PRMT3: variants seen among roughly 807,000 people sequenced by gnomAD.
PRMT3 encodes the protein protein arginine methyltransferase 3.
In PRMT3, 62 loss-of-function variants were observed where a neutral mutation model predicts 71.9. The observed-to-expected ratio is 0.86, with a 90% CI of 0.70 to 1.07. The LOEUF is 1.07. Ranked by LOEUF, PRMT3 falls within the 50% of genes least tolerant of loss-of-function variation. The pLI, the probability that PRMT3 is intolerant of heterozygous loss-of-function variation, is 0.00. For synonymous variants in PRMT3, 213 were observed against 220.4 expected (o/e 0.97, Z 0.30); for missense variants, 663 against 643.0 (o/e 1.03, Z -0.34).
At chr11:20,500,433 A>G (rs1456463302) in intron 15 of PRMT3, among the ~76,000 whole-genome samples, 1 of 152,242 alleles carries the variant, frequency 6.6e-6, no homozygotes, top group African/African-American at 2.4e-5. Context: ...AAAGCCTAGA[A>G]TAACCAAAAT....
intron 13 of PRMT3, among the ~76,000 whole-genome samples, chr11:20,480,956 T>C (rs1313342924): frequency 1.3e-5 from 2 of 152,136 alleles, no homozygotes; most frequent in Non-Finnish European, 2.9e-5. Context: ...CAGTAGGAAA[T>C]TGAAACACAG....
Position 20,388,083 on chromosome 11 carries a change from C to T in PRMT3, c.93C>T (p.Ala31=). The T allele has an allele frequency of 1.9e-6, 3 of 1,614,028 alleles. No individual in the cohort carries two copies. The highest frequency in any genetic ancestry group is 1.1e-5 in the South Asian group (1 of 91,086). The change falls in exon 2 of 16, where the codon GCC becomes GCT. Residue 31 remains alanine, a synonymous_variant. Coordinates refer to ENST00000331079, the MANE Select transcript of PRMT3 (RefSeq NM_005788.4). ...AACTGTCGGACAGCGGGGACGAGGC[C>T]GCCTGGGAGGATGAGGACGATGCAG... ...LPELSDSGDE[A]AWEDEDDADL...
chr11:20,476,911 T>A (rs1001497602), intron 13 of PRMT3, among the ~76,000 whole-genome samples: 3 of 152,220 alleles, frequency 2.0e-5, no homozygotes, highest in African/African-American at 7.2e-5. Context: ...TTTGTTCTCA[T>A]ATTTTATGCT....
At chr11:20,425,874 G>A (rs895459488) in intron 9 of PRMT3, among the ~76,000 whole-genome samples, 3 of 152,098 alleles carry the variant, frequency 2.0e-5, no homozygotes, top group Admixed American at 6.6e-5. Context: ...TGAATGCACT[G>A]AATTGTTTGT....
intron 15 of PRMT3, among the ~76,000 whole-genome samples, chr11:20,504,483 C>G (rs1335959719): frequency 6.6e-6 from 1 of 152,058 alleles, no homozygotes; most frequent in East Asian, 1.9e-4. Context: ...AAAATCAGCT[C>G]ATTAATTTCT....
rs202061318 is a variant in PRMT3 at position 20,464,466 on chromosome 11, G to A, written c.1267G>A (p.Asp423Asn). The A allele has an allele frequency of 1.9e-6, 3 of 1,602,502 alleles. No individual in the cohort carries two copies. The highest frequency in any genetic ancestry group is 2.3e-5 in the East Asian group (1 of 44,006). Reference protein sequence around the residue: ...ISEPCGIKHIDCHTTSISDLE... With the variant: ...ISEPCGIKHINCHTTSISDLE... ...ACTTCTTTTTAATGGGTAGCATATAGATTGCCATACGACGTCTATCTCAGA... is the reference window on the plus strand; with the variant it reads ...ACTTCTTTTTAATGGGTAGCATATAAATTGCCATACGACGTCTATCTCAGA... Residue 423 changes from aspartate to asparagine, a missense_variant, in exon 13 of 16, where the codon GAT becomes AAT. Asp to Asn is a conservative substitution (Grantham distance 23). Coordinates refer to ENST00000331079, the MANE Select transcript of PRMT3 (RefSeq NM_005788.4).
intron 8 of PRMT3, chr11:20,406,818 C>T (rs1358711683): frequency 6.6e-6 from 1 of 152,046 alleles, no homozygotes; most frequent in Non-Finnish European, 1.5e-5. Context: ...TTGTTGTTTT[C>T]TAGTTTTTTG....
chr11:20,408,962 T>A (rs140726388), intron 9 of PRMT3, among the ~76,000 whole-genome samples: 4 of 152,210 alleles, frequency 2.6e-5, no homozygotes, highest in African/African-American at 9.6e-5. Context: ...CCAGGCATGG[T>A]GGTGCATGCC....
chr11:20,434,002 T>G (rs1849711500), intron 10 of PRMT3, among the ~76,000 whole-genome samples: 1 of 152,182 alleles, frequency 6.6e-6, no homozygotes, highest in African/African-American at 2.4e-5. Flanking sequence ...AGACAGTGTT[T>G]AAGTGTTGCC....
intron 13 of PRMT3, among the ~76,000 whole-genome samples, chr11:20,481,358 G>A (rs1292985250): frequency 6.6e-6 from 1 of 151,884 alleles, no homozygotes; most frequent in Non-Finnish European, 1.5e-5. Flanking sequence ...AAATGAGCAT[G>A]ATGTGAGAAA....
chr11:20,407,013 A>G (rs939562816), intron 8 of PRMT3: 9 of 152,208 alleles, frequency 5.9e-5, no homozygotes, highest in African/African-American at 2.2e-4. Context: ...TATTAAAAAT[A>G]TTTGTATACA....
intron 9 of PRMT3, 75 bp downstream of exon 9, chr11:20,408,107 G>A: frequency 2.7e-6 from 3 of 1,117,628 alleles, no homozygotes; most frequent in Non-Finnish European, 3.7e-6. Context: ...CTTGTCTTTA[G>A]TAGCTATCTA....
rs183316970 is a variant in PRMT3, at chr11:20,419,923, A to G, written c.894-6843A>G. ...ACAGTGGCTCACGCCTGTAATTCCA[A>G]TACTTTGGGAGGTCAAGGTAGGTGA... is the stretch of plus-strand genomic sequence containing the variant. On this transcript the variant is annotated intron_variant, in intron 9 of 15. Transcript: ENST00000331079. Among the ~76,000 whole-genome samples, 10 of 152,276 alleles carry G rather than the reference A, an allele frequency of 6.6e-5. No individual in the cohort carries two copies. The East Asian group carries it at 7.7e-4, about 12-fold the overall frequency.
chr11:20,459,518 T>C (rs1440814684), intron 11 of PRMT3, among the ~76,000 whole-genome samples: 1 of 152,178 alleles, frequency 6.6e-6, no homozygotes, highest in Non-Finnish European at 1.5e-5. Context: ...CCATGCTGCT[T>C]TCACACCAAT....
At chr11:20,403,994 G>T (rs1412916362) in intron 8 of PRMT3, among the ~76,000 whole-genome samples, 1 of 151,768 alleles carries the variant, frequency 6.6e-6, no homozygotes, top group East Asian at 1.9e-4. Flanking sequence ...TGTTTCACTT[G>T]TGAGTTGGCT....
intron 9 of PRMT3, among the ~76,000 whole-genome samples, chr11:20,422,245 G>A (rs1305693900): frequency 1.3e-5 from 2 of 152,130 alleles, no homozygotes; most frequent in Non-Finnish European, 1.5e-5. Flanking sequence ...TATGCCAACA[G>A]TGAATCACCA....
chr11:20,414,585 C>T (rs1386836748), intron 9 of PRMT3, among the ~76,000 whole-genome samples: 2 of 152,120 alleles, frequency 1.3e-5, no homozygotes, highest in East Asian at 1.9e-4. Flanking sequence ...GCGCAGGTAG[C>T]GTCTGTTTAA....
chr11:20,461,904 T>C (rs1299605383), intron 11 of PRMT3, 76 bp from the exon 12 acceptor site: 1 of 1,274,222 alleles, frequency 7.8e-7, no homozygotes, highest in Non-Finnish European at 1.1e-6. Flanking sequence ...TTGATATTTA[T>C]ATTTAGGCTT....
At chr11:20,456,219 T>C (rs1282689917) in intron 11 of PRMT3, among the ~76,000 whole-genome samples, 1 of 152,150 alleles carries the variant, frequency 6.6e-6, no homozygotes, top group Admixed American at 6.5e-5. Flanking sequence ...GGACAAATAA[T>C]TGAACGGTGG....
Sources: allele counts gnomAD v4.1 joint callset (sites outside exome capture counted in the v4.1 genomes callset), GRCh38; gene constraint gnomAD v4.1.1; transcripts MANE v1.5; gene names NCBI Gene and HGNC (gene_info 2026-07-23, HGNC 2026-07-21).